Variants in NEK7 observed in about 807,000 individuals in gnomAD.
NEK7 encodes NIMA related kinase 7.
NEK7 carries 18 observed loss-of-function variants against 44.6 expected under a neutral mutation model. That is an observed-to-expected ratio of 0.40 (90% CI 0.28 to 0.60). The LOEUF (loss-of-function observed/expected upper bound fraction) is 0.60, where lower values mean the gene tolerates loss of function less well. NEK7 is among the 20% of genes least tolerant of loss of function. NEK7 has a pLI of 0.38. For synonymous variants in NEK7, 130 were observed against 121.1 expected (o/e 1.07, Z -0.48); for missense variants, 256 against 366.5 (o/e 0.70, Z 2.46).
chr1:198,310,051 G>A (rs1345288353), intron 9 of NEK7, among the ~76,000 whole-genome samples: 4 of 151,494 alleles, frequency 2.6e-5, no homozygotes, highest in East Asian at 2.0e-4. Context: ...CTAGTTTACA[G>A]TCCCACCAAC....
chr1:198,163,228 C>T (rs946921309), intron 1 of NEK7, among the ~76,000 whole-genome samples: 4 of 152,136 alleles, frequency 2.6e-5, no homozygotes, highest in Non-Finnish European at 5.9e-5. Context: ...CACAGTGGCT[C>T]ATACTTGTAG....
At chr1:198,308,713 T>C (rs908926883) in intron 9 of NEK7, among the ~76,000 whole-genome samples, 1 of 152,236 alleles carries the variant, frequency 6.6e-6, no homozygotes, top group Non-Finnish European at 1.5e-5. Context: ...TTTCTTTTCT[T>C]TGACCTCAGC....
chr1:198,232,869 AT>A (rs1341767015), intron 2 of NEK7, among the ~76,000 whole-genome samples: 17 of 149,306 alleles, frequency 1.1e-4, no homozygotes, highest in Non-Finnish European at 1.5e-4. Context: ...AGATATAATT[AT>A]TTATGTGTAA....
At chr1:198,260,414 C>T (rs1438481320) in intron 3 of NEK7, among the ~76,000 whole-genome samples, 1 of 150,752 alleles carries the variant, frequency 6.6e-6, no homozygotes, top group Admixed American at 6.6e-5. Flanking sequence ...ATAGTCCTTT[C>T]CTTTTTTTTT....
intron 5 of NEK7, among the ~76,000 whole-genome samples, chr1:198,274,103 C>T (rs1034033158): frequency 2.0e-5 from 3 of 151,060 alleles, no homozygotes; most frequent in Non-Finnish European, 3.0e-5. Flanking sequence ...ACATAAATCA[C>T]TTACTTCCTC....
At chr1:198,283,317 C>A (rs1401252243) in intron 7 of NEK7, among the ~76,000 whole-genome samples, 1 of 152,074 alleles carries the variant, frequency 6.6e-6, no homozygotes, top group African/African-American at 2.4e-5. Flanking sequence ...TCTTCAGGGT[C>A]TTCTGTGTCC....
chr1:198,245,284 A>G (rs1185042958), intron 2 of NEK7: 7 of 169,240 alleles, frequency 4.1e-5, no homozygotes, highest in African/African-American at 1.7e-4. Context: ...CACAGTTCAA[A>G]CTTGTGTTGT....
intron 1 of NEK7, among the ~76,000 whole-genome samples, chr1:198,191,058 CAGT>C (rs1160492763): frequency 2.0e-5 from 3 of 151,856 alleles, no homozygotes; most frequent in Non-Finnish European, 4.4e-5. Flanking sequence ...TTTTCTAACT[CAGT>C]AGATCAAACA....
Position 198,289,709 on chromosome 1 carries a change from T to G in NEK7, c.590-3236T>G, listed in dbSNP as rs528404594. Among the ~76,000 whole-genome samples, 6 of 152,240 alleles carry G rather than the reference T, an allele frequency of 3.9e-5. No individual in the cohort carries two copies. The East Asian group carries it at 1.2e-3, about 29-fold the overall frequency. ...TACAGTGCTAAATTGTTAGCTAAAC[T>G]ATTCTGTATATAACCTGCTCTGATG... On this transcript the variant is annotated intron_variant, in intron 7 of 9. Transcript: ENST00000367385.
intron 9 of NEK7, among the ~76,000 whole-genome samples, chr1:198,312,306 G>T (rs1271321895): frequency 6.6e-6 from 1 of 150,426 alleles, no homozygotes; most frequent in African/African-American, 2.5e-5. Context: ...ATTTTTTATT[G>T]CATCTATTTG....
chr1:198,187,905 G>C (rs1268314849), intron 1 of NEK7, among the ~76,000 whole-genome samples: 1 of 152,192 alleles, frequency 6.6e-6, no homozygotes, highest in Non-Finnish European at 1.5e-5. Flanking sequence ...TTCTAAGGTT[G>C]CCACTCAGCT....
At chr1:198,193,951 T>C (rs922251345) in intron 1 of NEK7, among the ~76,000 whole-genome samples, 1 of 152,168 alleles carries the variant, frequency 6.6e-6, no homozygotes, top group Non-Finnish European at 1.5e-5. Context: ...CAACATAGTA[T>C]TGGAAATTCT....
At position 198,319,458 on chromosome 1, in the gene NEK7, G is replaced by T; in HGVS notation, c.845G>T (p.Arg282Leu). Residue 282 changes from arginine to leucine, a missense_variant, in exon 10 of 10, where the codon CGA becomes CTA. Around this residue, in one of 3 missense-constraint regions of NEK7, gnomAD observed 58 missense variants for 66.5 expected, o/e 0.87. Coordinates refer to ENST00000367385, the MANE Select transcript of NEK7 (RefSeq NM_133494.3). ...TGCATCAACCCAGATCCAGAGAAGC[G>T]ACCAGACGTCACCTATGTTTATGAC... is the stretch of plus-strand genomic sequence containing the variant. ...NMCINPDPEK[R>L]PDVTYVYDVA... is the part of the protein sequence containing the mutation. The T allele has an allele frequency of 6.2e-7, 1 of 1,613,308 alleles. No individual in the cohort carries two copies. The highest frequency in any genetic ancestry group is 8.5e-7 in the Non-Finnish European group (1 of 1,179,496).
chr1:198,243,587 A>G (rs768154601), intron 2 of NEK7, among the ~76,000 whole-genome samples: 16 of 152,192 alleles, frequency 1.1e-4, no homozygotes, highest in Non-Finnish European at 2.2e-4. Context: ...AGTAATTATT[A>G]TGCTGGTAAT....
At chr1:198,231,749 C>A (rs1666403947) in intron 1 of NEK7, among the ~76,000 whole-genome samples, 1 of 151,694 alleles carries the variant, frequency 6.6e-6, no homozygotes, top group African/African-American at 2.4e-5. Context: ...ATGAACCATG[C>A]CCAGAATATT....
chr1:198,300,161 G>C (rs1366034460), intron 9 of NEK7, among the ~76,000 whole-genome samples: 2 of 152,084 alleles, frequency 1.3e-5, no homozygotes, highest in Non-Finnish European at 2.9e-5. Flanking sequence ...CAATTACTAT[G>C]TTTAGCAAGA....
At chr1:198,250,781 C>G (rs1652927224) in intron 2 of NEK7, among the ~76,000 whole-genome samples, 1 of 145,852 alleles carries the variant, frequency 6.9e-6, no homozygotes. Context: ...AGATTTTGGG[C>G]TGAGACAATG....
intron 9 of NEK7, among the ~76,000 whole-genome samples, chr1:198,310,225 G>T (rs565165914): frequency 9.9e-5 from 15 of 152,124 alleles, no homozygotes; most frequent in African/African-American, 3.1e-4. Context: ...TGTGTTTTTT[G>T]GCTGCATAAA....
intron 7 of NEK7, among the ~76,000 whole-genome samples, chr1:198,289,082 A>C (rs1455594377): frequency 2.6e-5 from 4 of 150,980 alleles, no homozygotes; most frequent in Non-Finnish European, 5.9e-5. Context: ...TTCTGGGCTG[A>C]CTCATGAGTA....
Sources: gnomAD v4.1 joint callset for allele counts (sites outside exome capture counted in the v4.1 genomes callset) on GRCh38, gnomAD v4.1.1 for gene constraint, gnomAD v4.1.1 regional missense constraint, MANE v1.5 for transcripts, NCBI Gene and HGNC (gene_info 2026-07-23, HGNC 2026-07-21) for gene names.